Variants in PRKCD observed in about 807,000 individuals in gnomAD.
PRKCD encodes protein kinase C delta.
In PRKCD, 20 loss-of-function variants were observed where a neutral mutation model predicts 82.2. That is an observed-to-expected ratio of 0.24 (90% confidence interval 0.17 to 0.35). The LOEUF (loss-of-function observed/expected upper bound fraction) is 0.35, where lower values mean the gene tolerates loss of function less well. PRKCD is among the 10% of genes least tolerant of loss of function. The pLI, the probability that PRKCD is intolerant of heterozygous loss-of-function variation, is 1.00. For missense variants in PRKCD, 607 were observed against 899.0 expected (o/e 0.68, Z 4.15); for synonymous variants, 317 against 337.0 (o/e 0.94, Z 0.65).
At chr3:53,188,318 G>T (rs1335893652) in intron 15 of PRKCD, among the ~76,000 whole-genome samples, 1 of 150,846 alleles carries the variant, frequency 6.6e-6, no homozygotes, top group Non-Finnish European at 1.5e-5. Context: ...TGTACTGTTT[G>T]CCATTTCTAG....
Position 53,187,359 on chromosome 3 carries a change from A to G in PRKCD, c.1372A>G (p.Met458Val), listed in dbSNP as rs1559630557. The change falls in exon 15 of 19, where the codon ATG becomes GTG. Residue 458 changes from methionine to valine, a missense_variant. Transcript: ENST00000330452. ...GCCCAGGTTTTATGCCGCTGAGATA[A>G]TGTGTGGACTGCAGTTTCTACACAG... ...YRATFYAAEI[M>V]CGLQFLHSKG... is the part of the protein sequence containing the mutation. The G allele has an allele frequency of 1.9e-6, 3 of 1,614,108 alleles. No individual in the cohort carries two copies. Among genetic ancestry groups the G allele is most frequent in the Non-Finnish European group, 2.5e-6 (3 of 1,180,016 alleles).
intron 17 of PRKCD, 56 bp from the exon 18 acceptor site, chr3:53,189,817 A>G: frequency 6.2e-7 from 1 of 1,608,388 alleles, no homozygotes. Flanking sequence ...GGATTTGCTG[A>G]AGCTCCAATT....
At chr3:53,174,717 C>G (rs1336053498) in intron 2 of PRKCD, among the ~76,000 whole-genome samples, 2 of 152,176 alleles carry the variant, frequency 1.3e-5, no homozygotes, top group Admixed American at 6.5e-5. Context: ...GTGGCAGAAC[C>G]TGGCCAGAGC....
chr3:53,167,751 A>G (rs138121047), intron 2 of PRKCD, among the ~76,000 whole-genome samples: 1 of 152,334 alleles, frequency 6.6e-6, no homozygotes, highest in Non-Finnish European at 1.5e-5. Context: ...AGGGGGTATT[A>G]TTATCTGATG....
At chr3:53,177,357 G>A (rs1338912938) in intron 2 of PRKCD, among the ~76,000 whole-genome samples, 4 of 152,170 alleles carry the variant, frequency 2.6e-5, no homozygotes, top group African/African-American at 4.8e-5. Flanking sequence ...AGAGGCACTC[G>A]ACCCCAAGGG....
In PRKCD at chr3:53,186,428, T is replaced by C. The variant is rs6793352; in HGVS notation, c.1260+88T>C. ...CCCTCAGTCAGGGCTGTGTCTCCCC[T>C]TCAGGCCACTTAAGGCAGGGCCATG... On this transcript the variant is annotated intron_variant, in intron 13 of 18. Coordinates refer to ENST00000330452, the MANE Select transcript of PRKCD (RefSeq NM_006254.4). 1,534,177 of 1,549,798 alleles carry C rather than the reference T, an allele frequency of 0.99. 760,473 individuals are homozygous for C. The highest frequency in any genetic ancestry group is 1 in the East Asian group (44,449 of 44,452).
intron 15 of PRKCD, among the ~76,000 whole-genome samples, chr3:53,187,994 C>G (rs782761406): frequency 6.1e-4 from 93 of 152,132 alleles, no homozygotes; most frequent in Non-Finnish European, 1.2e-3. Flanking sequence ...CGAGACCAGC[C>G]TGACCAACAT....
intron 2 of PRKCD, among the ~76,000 whole-genome samples, chr3:53,172,592 C>T (rs1478211639): frequency 1.3e-5 from 2 of 152,198 alleles, no homozygotes; most frequent in Middle Eastern, 3.2e-3. Context: ...TTGTGACTTC[C>T]GTGGCAGGTG....
chr3:53,170,671 C>T (rs1240123981), intron 2 of PRKCD, among the ~76,000 whole-genome samples: 1 of 152,242 alleles, frequency 6.6e-6, no homozygotes, highest in African/African-American at 2.4e-5. Flanking sequence ...CCCTTCTGCC[C>T]CTCCTCCATT....
chr3:53,186,447 G>A (rs1447740435), intron 13 of PRKCD, 107 bp downstream of exon 13: 12 of 1,425,936 alleles, frequency 8.4e-6, no homozygotes, highest in Admixed American at 2.0e-5. Context: ...CTTAAGGCAG[G>A]GCCATGCTTT....
At chr3:53,191,484 G>T (rs1703923837) in intron 18 of PRKCD, among the ~76,000 whole-genome samples, 1 of 152,218 alleles carries the variant, frequency 6.6e-6, no homozygotes, top group African/African-American at 2.4e-5. Flanking sequence ...AAGCCGAAAT[G>T]ATTGTACTTG....
intron 2 of PRKCD, among the ~76,000 whole-genome samples, chr3:53,172,632 G>A (rs974913060): frequency 8.5e-5 from 13 of 152,216 alleles, no homozygotes; most frequent in Admixed American, 5.2e-4. Context: ...GGCTGCAGTA[G>A]GTGGCATGGG....
intron 2 of PRKCD, among the ~76,000 whole-genome samples, chr3:53,177,462 C>G (rs1249364351): frequency 6.6e-6 from 1 of 152,178 alleles, no homozygotes; most frequent in Admixed American, 6.5e-5. Context: ...GGAATGTCAG[C>G]TTTTGGTTCT....
chr3:53,189,904 G>A lies in PRKCD; in HGVS notation c.1775G>A (p.Gly592Glu). ...LFEREPTKRL[G>E]VTGNIKIHPF... ...GAAAGGGAACCAACCAAGAGGCTGG[G>A]AGTGACCGGAAACATCAAAATCCAC... The change falls in exon 18 of 19, where the codon GGA becomes GAA. Residue 592 changes from glycine (G) to glutamate (E), a missense_variant. Gly to Glu is a moderately conservative substitution (Grantham distance 98, BLOSUM62 -2). Coordinates refer to ENST00000330452, the MANE Select transcript of PRKCD (RefSeq NM_006254.4). 6.2e-7 allele frequency: 1 copy of A among 1,614,236 alleles called. No individual in the cohort carries two copies. The highest frequency in any genetic ancestry group is 8.5e-7 in the Non-Finnish European group (1 of 1,180,030).
At chr3:53,161,907 G>A (rs868968446) in intron 1 of PRKCD, among the ~76,000 whole-genome samples, 76 of 59,266 alleles carry the variant, frequency 1.3e-3, no homozygotes, top group African/African-American at 4.7e-3. Flanking sequence ...CCGTCCTCCC[G>A]GAGCCGCGCC....
chr3:53,164,181 G>A (rs1164978238), intron 1 of PRKCD, among the ~76,000 whole-genome samples: 1 of 152,124 alleles, frequency 6.6e-6, no homozygotes, highest in African/African-American at 2.4e-5. Context: ...TGCTACCTTT[G>A]CCATTTCTTC....
At chr3:53,167,769 C>T (rs1030192807) in intron 2 of PRKCD, among the ~76,000 whole-genome samples, 3 of 152,168 alleles carry the variant, frequency 2.0e-5, no homozygotes, top group East Asian at 3.9e-4. Context: ...ATGGGCTGGG[C>T]ACTGGCCCAG....
chr3:53,166,004 A>T (rs1702819927), intron 2 of PRKCD, among the ~76,000 whole-genome samples: 1 of 152,144 alleles, frequency 6.6e-6, no homozygotes, highest in South Asian at 2.1e-4. Context: ...ATGGGTGCTA[A>T]TGAAGCTGGA....
At chr3:53,163,908 G>T (rs549546377) in intron 1 of PRKCD, among the ~76,000 whole-genome samples, 301 of 152,298 alleles carry the variant, frequency 2.0e-3, no homozygotes, top group Non-Finnish European at 2.2e-3. Context: ...AGCGATGGGG[G>T]AGACAGGGGT....
Sources: allele counts gnomAD v4.1 joint callset (sites outside exome capture counted in the v4.1 genomes callset), GRCh38; gene constraint gnomAD v4.1.1; transcripts MANE v1.5; gene names NCBI Gene and HGNC (gene_info 2026-07-23, HGNC 2026-07-21).